RALYL: variants seen among roughly 807,000 people sequenced by gnomAD.
RALYL encodes the protein RALY RNA binding protein like.
In RALYL, 29 loss-of-function variants were observed where a neutral mutation model predicts 35.1. The ratio of observed to expected loss-of-function variants is 0.83; its 90% CI spans 0.61 to 1.13. The LOEUF is 1.13. Ranked by LOEUF, RALYL falls within the 50% of genes most tolerant of loss-of-function variation. The probability of loss-of-function intolerance (pLI) is 0.00; values close to 1 mark genes in which losing one functional copy is unlikely to be tolerated. For synonymous variants in RALYL, 120 were observed against 127.6 expected, an observed-to-expected ratio of 0.94 and a Z score of 0.40; for missense variants, 359 against 360.4, an observed-to-expected ratio of 1.00 and a Z score of 0.03.
At chr8:84,222,330 T>C (rs1367428378) in intron 1 of RALYL, among the ~76,000 whole-genome samples, 1 of 152,190 alleles carries the variant, frequency 6.6e-6, no homozygotes, top group Non-Finnish European at 1.5e-5. Context: ...ATGTTACATC[T>C]ATGCTGTGTT....
chr8:84,521,883 C>A (rs1419493456), intron 1 of RALYL, among the ~76,000 whole-genome samples: 1 of 152,078 alleles, frequency 6.6e-6, no homozygotes, highest in African/African-American at 2.4e-5. Flanking sequence ...CAGATGAAAA[C>A]ACCTCTTTCT....
At chr8:84,634,742 T>C (rs1349668126) in intron 2 of RALYL, among the ~76,000 whole-genome samples, 1 of 151,716 alleles carries the variant, frequency 6.6e-6, no homozygotes, top group Non-Finnish European at 1.5e-5. Context: ...AGAGAAGCCA[T>C]AGTATAGTGT....
At chr8:84,260,213 G>C (rs1223804817) in intron 1 of RALYL, among the ~76,000 whole-genome samples, 1 of 152,112 alleles carries the variant, frequency 6.6e-6, no homozygotes, top group Non-Finnish European at 1.5e-5. Flanking sequence ...AAACAAAGCT[G>C]CACATGTGCC....
At chr8:84,829,704 A>T (rs1830474304) in intron 4 of RALYL, among the ~76,000 whole-genome samples, 1 of 152,168 alleles carries the variant, frequency 6.6e-6, no homozygotes, top group Non-Finnish European at 1.5e-5. Context: ...TTATTTGTGG[A>T]AGTTATATTC....
chr8:84,451,755 A>G (rs1171992259), intron 1 of RALYL, among the ~76,000 whole-genome samples: 1 of 152,048 alleles, frequency 6.6e-6, no homozygotes, highest in African/African-American at 2.4e-5. Flanking sequence ...TAAAATTAAT[A>G]AGGGGCACTG....
intron 2 of RALYL, among the ~76,000 whole-genome samples, chr8:84,769,363 G>A (rs1277037667): frequency 6.6e-6 from 1 of 152,040 alleles, no homozygotes; most frequent in Non-Finnish European, 1.5e-5. Context: ...GCTCTAATGG[G>A]GTTTCTAATG....
chr8:84,360,447 C>G (rs996498314), intron 1 of RALYL, among the ~76,000 whole-genome samples: 12 of 152,154 alleles, frequency 7.9e-5, no homozygotes, highest in African/African-American at 2.7e-4. Context: ...AAGAACTTTA[C>G]TTCTAGTGAG....
At chr8:84,459,920 G>A (rs184549635) in intron 1 of RALYL, among the ~76,000 whole-genome samples, 1 of 151,810 alleles carries the variant, frequency 6.6e-6, no homozygotes, top group Non-Finnish European at 1.5e-5. Context: ...CATAGGAAAG[G>A]ACAGAAAACA....
chr8:84,233,357 C>T (rs1430073998), intron 1 of RALYL, among the ~76,000 whole-genome samples: 1 of 152,064 alleles, frequency 6.6e-6, no homozygotes, highest in Non-Finnish European at 1.5e-5. Context: ...AAATCTGATG[C>T]ATTTGGTGGA....
At chr8:84,335,634 G>GA (rs1217335472) in intron 1 of RALYL, among the ~76,000 whole-genome samples, 5 of 142,666 alleles carry the variant, frequency 3.5e-5, no homozygotes, top group African/African-American at 5.2e-5. Flanking sequence ...AAGAAGATCA[G>GA]AAAAAAAATA....
intron 5 of RALYL, among the ~76,000 whole-genome samples, chr8:84,861,503 C>G (rs950300231): frequency 1.3e-5 from 2 of 151,926 alleles, no homozygotes; most frequent in East Asian, 3.9e-4. Context: ...TTCACTTTTC[C>G]GCAAAGGTTT....
chr8:84,783,924 C>G (rs973442116), intron 3 of RALYL, among the ~76,000 whole-genome samples: 3 of 152,178 alleles, frequency 2.0e-5, no homozygotes, highest in Non-Finnish European at 4.4e-5. Flanking sequence ...GCCAGGAAGT[C>G]TAAAAGCTAG....
At chr8:84,324,397 A>G (rs1845422943) in intron 1 of RALYL, among the ~76,000 whole-genome samples, 1 of 151,988 alleles carries the variant, frequency 6.6e-6, no homozygotes, top group Non-Finnish European at 1.5e-5. Flanking sequence ...GTCATTTACT[A>G]GTGACCTTTT....
chr8:84,746,687 A>G (rs992440336), intron 2 of RALYL, among the ~76,000 whole-genome samples: 3 of 151,988 alleles, frequency 2.0e-5, no homozygotes, highest in African/African-American at 7.2e-5. Context: ...CCCCTAAGAT[A>G]GTTCAACATG....
At chr8:84,487,054 A>C (rs1241515511) in intron 1 of RALYL, among the ~76,000 whole-genome samples, 2 of 152,088 alleles carry the variant, frequency 1.3e-5, no homozygotes, top group African/African-American at 4.8e-5. Context: ...GGTTTAAAGA[A>C]TCTCAGAACT....
At chr8:84,431,025 G>A (rs1347491395) in intron 1 of RALYL, among the ~76,000 whole-genome samples, 1 of 152,088 alleles carries the variant, frequency 6.6e-6, no homozygotes, top group African/African-American at 2.4e-5. Context: ...GTAAAGTAGG[G>A]CACTAATACC....
intron 1 of RALYL, among the ~76,000 whole-genome samples, chr8:84,428,189 A>T (rs1276849495): frequency 6.6e-6 from 1 of 152,170 alleles, no homozygotes; most frequent in Non-Finnish European, 1.5e-5. Flanking sequence ...TTTAAAATAA[A>T]TAACTCTATA....
intron 2 of RALYL, among the ~76,000 whole-genome samples, chr8:84,593,509 T>A (rs956661313): frequency 2.0e-5 from 3 of 152,104 alleles, no homozygotes; most frequent in African/African-American, 7.2e-5. Flanking sequence ...GCTTTTTGCA[T>A]TTAACCTCTA....
chr8:84,714,437 T>C (rs2132522371), intron 2 of RALYL, among the ~76,000 whole-genome samples: 1 of 151,850 alleles, frequency 6.6e-6, no homozygotes, highest in Non-Finnish European at 1.5e-5. Context: ...AATGGATATG[T>C]TTCATTCATT....
Sources: gnomAD v4.1 joint callset for allele counts (sites outside exome capture counted in the v4.1 genomes callset) on GRCh38, gnomAD v4.1.1 for gene constraint, MANE v1.5 for transcripts, NCBI Gene and HGNC (gene_info 2026-07-23, HGNC 2026-07-21) for gene names.